The following TRIM46 variants were observed in gnomAD, a reference collection of about 807,000 sequenced individuals.
TRIM46 encodes the protein tripartite motif containing 46, also known as tripartite motif-containing protein 46.
Under a neutral mutation model 69.7 loss-of-function variants are expected in TRIM46, and 17 were observed. That is an observed-to-expected ratio of 0.24 (90% CI 0.17 to 0.37). The LOEUF (loss-of-function observed/expected upper bound fraction) is 0.37. Among genes scored for constraint, TRIM46 ranks in the 10% least tolerant of loss-of-function variants. The pLI is 1.00. For missense variants in TRIM46, 675 were observed against 1,025.1 expected, an observed-to-expected ratio of 0.66 and a Z score of 4.66; for synonymous variants, 391 against 429.0, an observed-to-expected ratio of 0.91 and a Z score of 1.09.
intron 1 of TRIM46, chr1:155,174,750 C>G (rs1665490797): frequency 6.9e-7 from 1 of 1,455,698 alleles, no homozygotes; most frequent in Non-Finnish European, 9.0e-7. Flanking sequence ...TTGATTCCCC[C>G]GCTAGTTCGG....
At position 155,175,121 on chromosome 1, in the gene TRIM46, A is replaced by T; in HGVS notation, c.64-265A>T. 7.3e-7 allele frequency: 1 copy of T among 1,372,378 alleles called. No homozygotes were observed. Among genetic ancestry groups the T allele is most frequent in the Non-Finnish European group, 9.4e-7 (1 of 1,065,626 alleles). The allele number at this position is 1,372,378 out of a possible 1,614,324, so 85.0% of individuals were successfully genotyped here. A position where few individuals can be genotyped will look rare whatever the true frequency, so the allele number is the denominator to read the frequency against. ...CAGCTGGGGCTACTGCAGCTGGAGAAATGGGGATTGGGCTTGAGGCTGGAG... is the reference window on the plus strand; with the variant it reads ...CAGCTGGGGCTACTGCAGCTGGAGATATGGGGATTGGGCTTGAGGCTGGAG... On this transcript the variant is annotated intron_variant, in intron 1 of 9. Coordinates refer to ENST00000334634, the MANE Select transcript of TRIM46 (RefSeq NM_025058.5). The surrounding 1 kb of genome is among the most constrained non-coding windows in gnomAD (Gnocchi z 4.2).
Position 155,181,153 on chromosome 1 carries a change from T to C in TRIM46, c.1589-699T>C, listed in dbSNP as rs971832773. On this transcript the variant is annotated intron_variant, in intron 8 of 9. Coordinates refer to ENST00000334634, the MANE Select transcript of TRIM46 (RefSeq NM_025058.5). This position sits in a 1 kb window ranked among gnomAD's most constrained non-coding sequence, Gnocchi z 4.3. Reference sequence around the variant, plus strand: ...TACTTGGAAGGCTGAGGCAGGAGAATGGCTTGAACCTGGGAGGCAGGGGTT... The same window carrying C: ...TACTTGGAAGGCTGAGGCAGGAGAACGGCTTGAACCTGGGAGGCAGGGGTT... Among the ~76,000 whole-genome samples the C allele has an allele frequency of 5.3e-5, 8 of 152,122 alleles. No individual in the cohort carries two copies. Among genetic ancestry groups the C allele is most frequent in the Admixed American group, 2.0e-4 (3 of 15,274 alleles).
At chr1:155,174,807 G>C (rs1223287832) in intron 1 of TRIM46, 2 of 1,447,866 alleles carry the variant, frequency 1.4e-6, no homozygotes, top group Non-Finnish European at 1.8e-6. Flanking sequence ...GAGGGCGGGA[G>C]GGCCTGATGG....
Position 155,181,735 on chromosome 1 carries a change from G to A in TRIM46, c.1589-117G>A. 8.7e-7 allele frequency: 1 copy of A among 1,153,482 alleles called. No homozygotes were observed. Among genetic ancestry groups the A allele is most frequent in the South Asian group, 1.5e-5 (1 of 67,298 alleles). 71.5% of individuals were successfully genotyped at this position (1,153,482 alleles called of 1,614,324 possible). Reference sequence around the variant, plus strand: ...TCCTGTTCTCCTGAACCCCCTGCCTGTTCCTGGTGACTGAACCCCCTTGCA... The same window carrying A: ...TCCTGTTCTCCTGAACCCCCTGCCTATTCCTGGTGACTGAACCCCCTTGCA... On this transcript the variant is annotated intron_variant, in intron 8 of 9. Coordinates refer to ENST00000334634, the MANE Select transcript of TRIM46 (RefSeq NM_025058.5). This position sits in a 1 kb window ranked among gnomAD's most constrained non-coding sequence, Gnocchi z 4.3.
intron 1 of TRIM46, chr1:155,174,514 G>A (rs1311049452): frequency 3.5e-6 from 5 of 1,433,988 alleles, no homozygotes; most frequent in African/African-American, 2.9e-5. Flanking sequence ...ATGGCAACCC[G>A]TGCCTGGCTC....
At chr1:155,177,627 C>T (rs1416459479) in intron 5 of TRIM46, among the ~76,000 whole-genome samples, 2 of 152,220 alleles carry the variant, frequency 1.3e-5, no homozygotes, top group Non-Finnish European at 2.9e-5. Context: ...TGACTGATAC[C>T]TTCTGCCAGG....
chr1:155,179,500 C>A (rs994043978), intron 7 of TRIM46, 132 bp from the exon 8 acceptor site: 22 of 772,154 alleles, frequency 2.8e-5, no homozygotes, highest in African/African-American at 2.1e-4. Context: ...CCCAGATGAG[C>A]CCTTCCCCAG....
Position 155,179,783 on chromosome 1 carries a change from C to T in TRIM46, c.1437C>T (p.Arg479=), listed in dbSNP as rs1665996322. 1 of 1,613,360 alleles carries T rather than the reference C, an allele frequency of 6.2e-7. No individual in the cohort carries two copies. Among genetic ancestry groups the T allele is most frequent in the Non-Finnish European group, 8.5e-7 (1 of 1,179,902 alleles). The part of the protein sequence containing the change: ...TDVPAQPGPT[R]WQRREEVRGT... ...TGCCTGCTCAGCCAGGCCCCACCCG[C>T]TGGCAGCGGCGGGAGGAGGTGAGGG... is the stretch of plus-strand genomic sequence containing the variant. Residue 479 remains arginine (R), a synonymous_variant, in exon 8 of 10, where the codon CGC becomes CGT. Transcript: ENST00000334634.
intron 5 of TRIM46, among the ~76,000 whole-genome samples, 166 bp from the exon 6 acceptor site, chr1:155,177,836 G>A (rs1253243164): frequency 3.9e-5 from 6 of 152,212 alleles, no homozygotes; most frequent in Admixed American, 1.3e-4. Flanking sequence ...ATCTAGAGGT[G>A]CCTTTGCAGC....
chr1:155,175,126 G>C lies in TRIM46; in HGVS notation c.64-260G>C. The stretch of plus-strand genomic sequence containing the variant: ...GGGGCTACTGCAGCTGGAGAAATGG[G>C]GATTGGGCTTGAGGCTGGAGCAGGC... On this transcript the variant is annotated intron_variant, in intron 1 of 9. Coordinates refer to ENST00000334634, the MANE Select transcript of TRIM46 (RefSeq NM_025058.5). The surrounding 1 kb of genome is among the most constrained non-coding windows in gnomAD (Gnocchi z 4.2). 1 of 1,377,510 alleles carries C rather than the reference G, an allele frequency of 7.3e-7. No homozygotes were observed. Among genetic ancestry groups the C allele is most frequent in the South Asian group, 1.7e-5 (1 of 57,450 alleles). The allele number at this position is 1,377,510 out of a possible 1,614,324, so 85.3% of individuals were successfully genotyped here.
Position 155,181,978 on chromosome 1 carries a change from C to A in TRIM46, c.1715C>A (p.Thr572Asn), listed in dbSNP as rs753537060. 15 of 1,613,634 alleles carry A rather than the reference C, an allele frequency of 9.3e-6. No individual in the cohort carries two copies. Among genetic ancestry groups the A allele is most frequent in the Non-Finnish European group, 1.3e-5 (15 of 1,179,936 alleles). The change falls in exon 9 of 10, where the codon ACC becomes AAC. Residue 572 changes from threonine to asparagine, a missense_variant. By Grantham distance (65) the Thr-to-Asn change is moderately conservative (BLOSUM62 0). Around this residue, in one of 5 missense-constraint regions of TRIM46, gnomAD observed 361 missense variants for 498.3 expected, o/e 0.72. Coordinates refer to ENST00000334634, the MANE Select transcript of TRIM46 (RefSeq NM_025058.5). The surrounding 1 kb of genome is among the most constrained non-coding windows in gnomAD (Gnocchi z 4.3). ...CTGCTGGCTGCTGACCGGCTGCTGA[C>A]CGGCTGCCACCTGAGTGTGGATGTG... Reference protein sequence around the residue: ...PLLLAADRLLTGCHLSVDVVL... With the variant: ...PLLLAADRLLNGCHLSVDVVL...
In TRIM46 at chr1:155,174,798, A is replaced by G. The variant is rs1034426134; in HGVS notation, c.64-588A>G. The G allele has an allele frequency of 2.3e-5, 33 of 1,430,354 alleles. No homozygotes were observed. In the African/African-American group the frequency reaches 4.6e-4, roughly 20 times the overall value. The allele number at this position is 1,430,354 out of a possible 1,614,324, so 88.6% of individuals were successfully genotyped here. A position where few individuals can be genotyped will look rare whatever the true frequency, so the allele number is the denominator to read the frequency against. On this transcript the variant is annotated intron_variant, in intron 1 of 9. Coordinates refer to ENST00000334634, the MANE Select transcript of TRIM46 (RefSeq NM_025058.5). The stretch of plus-strand genomic sequence containing the variant: ...CGCTGACCGGGTTGCGCTGCGGGAG[A>G]GGGCGGGAGGGCCTGATGGGGGCGA...
rs140963651 is a variant in TRIM46, at chr1:155,183,111, C to T, written c.1887-686C>T. Reference sequence around the variant, plus strand: ...ATTTTTAGTAGAGACGGGCTTTCACCGTGTTAGCCAGGATGGTCTCAATCT... The same window carrying T: ...ATTTTTAGTAGAGACGGGCTTTCACTGTGTTAGCCAGGATGGTCTCAATCT... On this transcript the variant is annotated intron_variant, in intron 9 of 9. Transcript: ENST00000334634. Among the ~76,000 whole-genome samples the T allele has an allele frequency of 2.5e-3, 373 of 151,940 alleles. 3 individuals are homozygous for T. In the East Asian group the frequency reaches 0.042, roughly 17 times the overall value.
At position 155,184,137 on chromosome 1, in the gene TRIM46, G is replaced by C; in HGVS notation, c.2227G>C (p.Gly743Arg). 6.2e-7 allele frequency: 1 copy of C among 1,613,794 alleles called. No individual in the cohort carries two copies. The change falls in exon 10 of 10, where the codon GGC (glycine) becomes CGC (arginine). Residue 743 changes from glycine (G) to arginine (R), a missense_variant. Gly to Arg is a moderately radical substitution (Grantham distance 125). This residue lies in a region of TRIM46 where 108 missense variants were observed against 153.0 expected (regional missense o/e 0.71). Coordinates refer to ENST00000334634, the MANE Select transcript of TRIM46 (RefSeq NM_025058.5). The surrounding 1 kb of genome is among the most constrained non-coding windows in gnomAD (Gnocchi z 5.6). ...CGCAGTACAGCTCCAGGAGCCAGTGGGCACTAAGCCTGAGAGGAAAGTCAC... is the reference window on the plus strand; with the variant it reads ...CGCAGTACAGCTCCAGGAGCCAGTGCGCACTAAGCCTGAGAGGAAAGTCAC... Reference protein sequence around the residue: ...GGAVQLQEPVGTKPERKVTIG... With the variant: ...GGAVQLQEPVRTKPERKVTIG...
intron 1 of TRIM46, chr1:155,174,475 T>G (rs1301676578): frequency 7.2e-7 from 1 of 1,382,946 alleles, no homozygotes; most frequent in Non-Finnish European, 9.4e-7. Context: ...GCACCCCCAC[T>G]CAGGGCTGCT....
Position 155,181,001 on chromosome 1 carries a change from G to A in TRIM46, c.1589-851G>A, listed in dbSNP as rs1260087283. Among the ~76,000 whole-genome samples the A allele has an allele frequency of 6.6e-6, 1 of 152,160 alleles. No homozygotes were observed. Among genetic ancestry groups the A allele is most frequent in the Non-Finnish European group, 1.5e-5 (1 of 68,034 alleles). ...TGTAATCCCAGCACTTTGGGAGGCC[G>A]AGGTGGATGGATCACGAGGTCAGGC... On this transcript the variant is annotated intron_variant, in intron 8 of 9. Coordinates refer to ENST00000334634, the MANE Select transcript of TRIM46 (RefSeq NM_025058.5). The surrounding 1 kb of genome is among the most constrained non-coding windows in gnomAD (Gnocchi z 4.3).
rs207460455 is a variant in TRIM46 at position 155,183,978 on chromosome 1, C to A, written c.2068C>A (p.Arg690Ser). The change falls in exon 10 of 10, where the codon CGC becomes AGC. Residue 690 changes from arginine (R) to serine (S), a missense_variant. Transcript: ENST00000334634. ...CGGCTGCACAGTGCCCCTGCCACCC[C>A]GCCTGGGCATCTGCCTGGACTATGA... ...TAGCTVPLPPRLGICLDYERG... is the reference protein window; with the variant it reads ...TAGCTVPLPPSLGICLDYERG... The A allele has an allele frequency of 1.2e-6, 2 of 1,614,056 alleles. No homozygotes were observed. The highest frequency in any genetic ancestry group is 1.7e-5 in the Admixed American group (1 of 60,030).
rs1031452826 is a variant in TRIM46, at chr1:155,184,383, T to A, written c.*193T>A. The stretch of plus-strand genomic sequence containing the variant: ...GCTCTCTTCTGCCCACCTCTCTGGA[T>A]GGCCCCCGTTCTCTCCATTGCTTGT... On this transcript the variant is annotated 3_prime_UTR_variant, in exon 10 of 10. Transcript: ENST00000334634. This position sits in a 1 kb window ranked among gnomAD's most constrained non-coding sequence, Gnocchi z 5.6. The A allele has an allele frequency of 7.7e-6, 5 of 646,264 alleles. No homozygotes were observed. In the South Asian group the frequency reaches 1.0e-4, roughly 13 times the overall value. The allele number at this position is 646,264 out of a possible 1,614,324, so 40.0% of individuals were successfully genotyped here.
intron 7 of TRIM46, chr1:155,178,841 C>T: frequency 2.1e-6 from 3 of 1,454,660 alleles, no homozygotes; most frequent in Non-Finnish European, 2.7e-6. Context: ...CTCCGGAGCA[C>T]CCCAGGCAAG....
Sources: allele counts gnomAD v4.1 joint callset (sites outside exome capture counted in the v4.1 genomes callset), GRCh38; gene constraint gnomAD v4.1.1; regional missense constraint gnomAD v4.1.1; non-coding constraint Gnocchi (gnomAD v3.1); transcripts MANE v1.5; gene names NCBI Gene and HGNC (gene_info 2026-07-23, HGNC 2026-07-21).